Variants in TENM3 observed in about 807,000 individuals in gnomAD.
TENM3 encodes the protein teneurin-3.
In TENM3, 63 loss-of-function variants were observed where a neutral mutation model predicts 255.1. That is an observed-to-expected ratio of 0.25 (90% CI 0.20 to 0.30). The LOEUF is 0.30. Among genes scored for constraint, TENM3 ranks in the 10% least tolerant of loss-of-function variants. TENM3 has a pLI of 1.00. For missense variants in TENM3, 2,929 were observed against 3,461.1 expected (o/e 0.85, Z 3.86); for synonymous variants, 1,306 against 1,322.3 (o/e 0.99, Z 0.27).
At chr4:182,241,822 T>A (rs566109042), upstream of TENM3, among the ~76,000 whole-genome samples, 6 of 152,136 alleles carry the variant, frequency 3.9e-5, no homozygotes, top group Non-Finnish European at 7.4e-5. Context: ...TTTCCCTTTC[T>A]TTTTCCAGAC....
chr4:181,901,567 G>A, the TENM3 span, among the ~76,000 whole-genome samples: 1 of 152,184 alleles, frequency 6.6e-6, no homozygotes. Context: ...GAGTCTATGA[G>A]CTTTATGATC....
chr4:181,828,137 C>A, the TENM3 span, among the ~76,000 whole-genome samples: 1 of 152,130 alleles, frequency 6.6e-6, no homozygotes, highest in African/African-American at 2.4e-5. Context: ...CCATAGTATC[C>A]TGATGAATGC....
chr4:182,737,105 G>A (rs762436878), intron 17 of TENM3, 30 bp downstream of exon 17: 3 of 1,594,246 alleles, frequency 1.9e-6, no homozygotes, highest in South Asian at 2.3e-5. Flanking sequence ...TTGCTGCAGT[G>A]AAGTTTTTCT....
the TENM3 span, among the ~76,000 whole-genome samples, chr4:181,770,701 T>G: frequency 0.27 from 36,200 of 135,332 alleles, 4,985 homozygotes; most frequent in Non-Finnish European, 0.33. Flanking sequence ...AAAAAAAGAG[T>G]GAGGAAGTTC....
intron 1 of TENM3, among the ~76,000 whole-genome samples, chr4:182,161,309 G>A (rs1228205250): frequency 2.2e-5 from 3 of 135,666 alleles, no homozygotes; most frequent in Non-Finnish European, 4.7e-5. Context: ...CCAGCTACTC[G>A]GGAGGCTGAG....
rs1401117613 is a variant in TENM3 at position 182,538,778 on chromosome 4, A to AAAGG, written c.512-62144_512-62141dup. ...ATAGTATGGATGTAAAAGCAAAGGA[A>AAAGG]AAGGAGGTTTCCAAGATGACAGCTA... On this transcript the variant is annotated intron_variant, in intron 3 of 27. Coordinates refer to ENST00000511685, the MANE Select transcript of TENM3 (RefSeq NM_001080477.4). Among the ~76,000 whole-genome samples, 20 of 152,278 alleles carry AAAGG rather than the reference A, an allele frequency of 1.3e-4. No homozygotes were observed. The East Asian group carries it at 3.9e-3, about 29-fold the overall frequency.
At chr4:182,600,868 C>CATACATAT (rs1747757770) in intron 3 of TENM3, 56 bp from the exon 4 acceptor site, 1 of 592,992 alleles carries the variant, frequency 1.7e-6, no homozygotes, top group African/African-American at 2.1e-5. Flanking sequence ...TGTGTATATA[C>CATACATAT]ATATATATAT....
intron 3 of TENM3, among the ~76,000 whole-genome samples, chr4:182,467,647 TAAG>T (rs1445728838): frequency 6.6e-6 from 1 of 152,134 alleles, no homozygotes; most frequent in Non-Finnish European, 1.5e-5. Context: ...GAAGTGGACT[TAAG>T]GAGGCCACAG....
chr4:182,275,488 C>T (rs952607709), intron 1 of TENM3, among the ~76,000 whole-genome samples: 5 of 152,180 alleles, frequency 3.3e-5, no homozygotes, highest in Admixed American at 3.3e-4. Context: ...TGACAGAACA[C>T]CTGCAGTGTG....
chr4:182,633,759 C>T (rs1751603335), intron 5 of TENM3, among the ~76,000 whole-genome samples: 1 of 152,210 alleles, frequency 6.6e-6, no homozygotes, highest in Non-Finnish European at 1.5e-5. Context: ...CCTGAAGGCA[C>T]ACACACAAGG....
At chr4:182,695,007 C>T (rs1357536504) in intron 12 of TENM3, among the ~76,000 whole-genome samples, 1 of 152,152 alleles carries the variant, frequency 6.6e-6, no homozygotes, top group African/African-American at 2.4e-5. Flanking sequence ...TTCTTTGCAA[C>T]TTTTGTAGTG....
chr4:182,113,159 CA>C, the TENM3 span, among the ~76,000 whole-genome samples: 1 of 152,150 alleles, frequency 6.6e-6, no homozygotes, highest in East Asian at 1.9e-4. Flanking sequence ...AAAGGACAAA[CA>C]ACTGTTTTAT....
chr4:182,765,181 G>A (rs1193870979), intron 22 of TENM3, among the ~76,000 whole-genome samples: 1 of 152,054 alleles, frequency 6.6e-6, no homozygotes. Flanking sequence ...CCAAAGATGT[G>A]GACACGAGAG....
At chr4:182,550,077 T>C (rs1237615609) in intron 3 of TENM3, among the ~76,000 whole-genome samples, 1 of 152,242 alleles carries the variant, frequency 6.6e-6, no homozygotes, top group Non-Finnish European at 1.5e-5. Flanking sequence ...CAGTGTCTGT[T>C]ATTTTATGGA....
chr4:182,244,199 C>T lies in TENM3; in HGVS notation c.-76+723C>T, dbSNP rs371859565. On this transcript the variant is annotated intron_variant, in intron 1 of 27. Transcript: ENST00000511685. ...CGATCTCCTGACCTCGTGATCCGCC[C>T]GCCTCGGCCTCCCAAAGTGCTGGGA... Among the ~76,000 whole-genome samples the T allele has an allele frequency of 6.6e-5, 10 of 151,856 alleles. No homozygotes were observed. In the South Asian group the frequency reaches 1.3e-3, roughly 19 times the overall value.
At chr4:182,196,795 T>C (rs1753857452) in intron 1 of TENM3, among the ~76,000 whole-genome samples, 1 of 152,242 alleles carries the variant, frequency 6.6e-6, no homozygotes, top group Non-Finnish European at 1.5e-5. Context: ...CTGATGTTTT[T>C]AAAACAGTCA....
At chr4:182,095,911 G>A in the TENM3 span, among the ~76,000 whole-genome samples, 1 of 151,598 alleles carries the variant, frequency 6.6e-6, no homozygotes, top group Non-Finnish European at 1.5e-5. Flanking sequence ...TTGAAGGAAA[G>A]AAAAGGAAAT....
chr4:181,782,105 G>T, the TENM3 span, among the ~76,000 whole-genome samples: 1 of 152,204 alleles, frequency 6.6e-6, no homozygotes, highest in Non-Finnish European at 1.5e-5. Context: ...TCTCTGCCAG[G>T]CTTTGGTATC....
rs900829619 is a variant in TENM3, at chr4:182,727,182, T to C, written c.2369-1783T>C. Reference sequence around the variant, plus strand: ...TAAAAATTCATGTTTTCAGCTGGGCTGAGTGGCTCACACCTATAATCCCAG... The same window carrying C: ...TAAAAATTCATGTTTTCAGCTGGGCCGAGTGGCTCACACCTATAATCCCAG... On this transcript the variant is annotated intron_variant, in intron 13 of 27. Transcript: ENST00000511685. 9.2e-5 allele frequency among the ~76,000 whole-genome samples: 14 copies of C among 152,206 alleles called. 1 individual carries two copies. Among genetic ancestry groups the C allele is most frequent in the African/African-American group, 2.9e-4 (12 of 41,538 alleles).
Sources: gnomAD v4.1 joint callset for allele counts (sites outside exome capture counted in the v4.1 genomes callset) on GRCh38, gnomAD v4.1.1 for gene constraint, MANE v1.5 for transcripts, NCBI Gene and HGNC (gene_info 2026-07-23, HGNC 2026-07-21) for gene names.